Variants in SGCZ observed in about 807,000 individuals in gnomAD.
The protein encoded by SGCZ is sarcoglycan zeta.
A neutral mutation model predicts 41.3 loss-of-function variants in SGCZ; 40 were observed. That is an observed-to-expected ratio of 0.97 (90% CI 0.75 to 1.26). The LOEUF (loss-of-function observed/expected upper bound fraction) is 1.26. Ranked by LOEUF, SGCZ falls within the 50% of genes most tolerant of loss-of-function variation. The pLI is 0.00. For synonymous variants in SGCZ, 206 were observed against 137.5 expected (o/e 1.50, Z -3.49); for missense variants, 552 against 369.8 (o/e 1.49, Z -4.04).
At chr8:14,368,184 G>A (rs1803780909) in intron 2 of SGCZ, among the ~76,000 whole-genome samples, 1 of 151,940 alleles carries the variant, frequency 6.6e-6, no homozygotes, top group African/African-American at 2.4e-5. Context: ...TATTTGCATT[G>A]ATGACATATA....
At chr8:14,474,944 T>C (rs1431867263) in intron 2 of SGCZ, among the ~76,000 whole-genome samples, 1 of 152,196 alleles carries the variant, frequency 6.6e-6, no homozygotes, top group African/African-American at 2.4e-5. Flanking sequence ...GTCTTTATAG[T>C]TGAAGCAGCC....
rs34307530 is a variant in SGCZ, at chr8:14,823,055, T to TAAAAAAAAAAAAAAAAA, written c.40-268146_40-268130dup. Among the ~76,000 whole-genome samples, 9 of 75,480 alleles carry TAAAAAAAAAAAAAAAAA rather than the reference T, an allele frequency of 1.2e-4. 1 individual carries two copies. The highest frequency in any genetic ancestry group is 1.2e-3 in the South Asian group (2 of 1,710). The allele number at this position is 75,480 out of a possible 152,430, so 49.5% of individuals were successfully genotyped here. On this transcript the variant is annotated intron_variant, in intron 1 of 7. Transcript: ENST00000382080. ...GGCAATGAAGCCACACCAATCCTCA[T>TAAAAAAAAAAAAAAAAA]AAAAAAAAAAAAAAAAAAAAAAGAC...
chr8:15,093,750 G>C (rs962330701), intron 1 of SGCZ, among the ~76,000 whole-genome samples: 1 of 152,198 alleles, frequency 6.6e-6, no homozygotes, highest in African/African-American at 2.4e-5. Flanking sequence ...ACGATTTGAC[G>C]AGTTCAGCAC....
intron 1 of SGCZ, among the ~76,000 whole-genome samples, chr8:14,697,559 G>A (rs1046515115): frequency 2.0e-5 from 3 of 151,904 alleles, no homozygotes; most frequent in Non-Finnish European, 4.4e-5. Flanking sequence ...CGGTTCTTTT[G>A]TGAATTCAAT....
intron 1 of SGCZ, among the ~76,000 whole-genome samples, chr8:15,137,570 C>A (rs1341958480): frequency 6.6e-6 from 1 of 152,152 alleles, no homozygotes; most frequent in Admixed American, 6.5e-5. Flanking sequence ...GGACTTCATA[C>A]CCTGTGTCCC....
chr8:14,385,425 G>A (rs1804540721), intron 2 of SGCZ, among the ~76,000 whole-genome samples: 2 of 152,158 alleles, frequency 1.3e-5, no homozygotes, highest in African/African-American at 4.8e-5. Context: ...GGTAGTAGTG[G>A]AAAAGTATAT....
intron 1 of SGCZ, among the ~76,000 whole-genome samples, chr8:14,814,581 C>G (rs1384867556): frequency 6.6e-6 from 1 of 152,140 alleles, no homozygotes; most frequent in Non-Finnish European, 1.5e-5. Context: ...TTCTATCTAT[C>G]TTGTTATTTG....
chr8:14,553,936 A>G (rs1386498748), intron 2 of SGCZ, among the ~76,000 whole-genome samples: 1 of 152,082 alleles, frequency 6.6e-6, no homozygotes, highest in African/African-American at 2.4e-5. Context: ...GAGGTCCCCA[A>G]GGAAAAGCAG....
rs1801539229 is a variant in SGCZ at position 14,086,985 on chromosome 8, A to G, written c.*3458T>C. On this transcript the variant is annotated 3_prime_UTR_variant, in exon 8 of 8. Coordinates refer to ENST00000382080, the MANE Select transcript of SGCZ (RefSeq NM_139167.4). ...AACTGTGACCAACGTAATTAAATAT[A>G]TGTCTTAAGTAGGTAAGTTCACATG... Among the ~76,000 whole-genome samples the G allele has an allele frequency of 6.6e-6, 1 of 151,694 alleles. No homozygotes were observed. Among genetic ancestry groups the G allele is most frequent in the African/African-American group, 2.4e-5 (1 of 41,396 alleles).
At chr8:14,789,479 G>A (rs1334299220) in intron 1 of SGCZ, among the ~76,000 whole-genome samples, 1 of 152,142 alleles carries the variant, frequency 6.6e-6, no homozygotes, top group African/African-American at 2.4e-5. Flanking sequence ...CATGAATAAT[G>A]AAGATCAACT....
chr8:14,195,282 T>C (rs896557079), intron 4 of SGCZ, among the ~76,000 whole-genome samples: 5 of 152,224 alleles, frequency 3.3e-5, no homozygotes, highest in Admixed American at 1.3e-4. Flanking sequence ...AAAAACTACA[T>C]TGAGACGGAG....
intron 1 of SGCZ, among the ~76,000 whole-genome samples, chr8:14,769,548 T>G (rs1800160314): frequency 6.6e-6 from 1 of 152,060 alleles, no homozygotes; most frequent in Non-Finnish European, 1.5e-5. Flanking sequence ...TCCCAGCACT[T>G]TGGGAAGCTG....
At chr8:14,888,633 G>C (rs1281866132) in intron 1 of SGCZ, among the ~76,000 whole-genome samples, 1 of 152,036 alleles carries the variant, frequency 6.6e-6, no homozygotes, top group Non-Finnish European at 1.5e-5. Flanking sequence ...AGAAAATATT[G>C]ACTCCTTTCA....
chr8:14,473,293 T>G (rs533336120), intron 2 of SGCZ, among the ~76,000 whole-genome samples: 1 of 152,312 alleles, frequency 6.6e-6, no homozygotes, highest in African/African-American at 2.4e-5. Context: ...CATTTCATTT[T>G]TATGTATAAG....
At chr8:14,264,833 G>A (rs1454733789) in intron 3 of SGCZ, among the ~76,000 whole-genome samples, 4 of 152,022 alleles carry the variant, frequency 2.6e-5, no homozygotes, top group Admixed American at 2.6e-4. Flanking sequence ...CGTGGTGGCG[G>A]GCGCCTGTAG....
chr8:14,522,814 A>T (rs1342704221), intron 2 of SGCZ, among the ~76,000 whole-genome samples: 2 of 151,794 alleles, frequency 1.3e-5, no homozygotes, highest in Non-Finnish European at 2.9e-5. Flanking sequence ...ATAGGAGCTG[A>T]AATTATTCAT....
intron 1 of SGCZ, among the ~76,000 whole-genome samples, chr8:15,140,667 T>A: frequency 6.6e-6 from 1 of 152,204 alleles, no homozygotes; most frequent in Non-Finnish European, 1.5e-5. Context: ...GTGTAAGTAA[T>A]CACATACTGT....
At chr8:14,627,977 G>A (rs1806518535) in intron 1 of SGCZ, among the ~76,000 whole-genome samples, 1 of 151,998 alleles carries the variant, frequency 6.6e-6, no homozygotes, top group Non-Finnish European at 1.5e-5. Context: ...AAGAATCTTT[G>A]ATATTAGACC....
chr8:14,585,455 A>T (rs1399300296), intron 1 of SGCZ, among the ~76,000 whole-genome samples: 1 of 152,142 alleles, frequency 6.6e-6, no homozygotes, highest in Non-Finnish European at 1.5e-5. Flanking sequence ...GGGCTACACA[A>T]CTATTTCAAT....
Sources: allele counts gnomAD v4.1 joint callset (sites outside exome capture counted in the v4.1 genomes callset), GRCh38; gene constraint gnomAD v4.1.1; transcripts MANE v1.5; gene names NCBI Gene and HGNC (gene_info 2026-07-23, HGNC 2026-07-21).